Variants in SRRM3 observed in about 807,000 individuals in gnomAD.
The protein encoded by SRRM3 is serine/arginine repetitive matrix 3, also known as serine/arginine repetitive matrix protein 3.
A neutral mutation model predicts 66.2 loss-of-function variants in SRRM3; 27 were observed. The ratio of observed to expected loss-of-function variants is 0.41; its 90% CI spans 0.30 to 0.56. SRRM3 has a LOEUF of 0.56. SRRM3 is among the 20% of genes least tolerant of loss of function. SRRM3 has a pLI of 0.32. For synonymous variants in SRRM3, 391 were observed against 414.9 expected (o/e 0.94, Z 0.70); for missense variants, 918 against 991.9 (o/e 0.93, Z 1.00).
Position 76,286,139 on chromosome 7 carries a change from T to A in SRRM3, c.*296T>A. ...GGAATCTCCCCATCCCCCTTCCTGC[T>A]GATGCCAACTCACCAGGCTTGGGAC... On this transcript the variant is annotated 3_prime_UTR_variant, in exon 15 of 15. Coordinates refer to ENST00000611745, the MANE Select transcript of SRRM3 (RefSeq NM_001110199.3). The A allele has an allele frequency of 2.0e-6, 1 of 492,196 alleles. No individual in the cohort carries two copies. The highest frequency in any genetic ancestry group is 3.8e-6 in the Non-Finnish European group (1 of 265,490). 30.5% of individuals were successfully genotyped at this position (492,196 alleles called of 1,614,324 possible).
chr7:76,243,964 A>C (rs1255895810), intron 2 of SRRM3, among the ~76,000 whole-genome samples: 1 of 152,200 alleles, frequency 6.6e-6, no homozygotes, highest in Non-Finnish European at 1.5e-5. Context: ...TCACATGCCC[A>C]GACAAGGGAC....
chr7:76,220,153 G>A (rs962718098), intron 1 of SRRM3, among the ~76,000 whole-genome samples: 1 of 152,238 alleles, frequency 6.6e-6, no homozygotes, highest in African/African-American at 2.4e-5. Flanking sequence ...TCTGTGCCAA[G>A]CCCTGTGCTG....
chr7:76,254,269 CT>C (rs2117041548), intron 3 of SRRM3, among the ~76,000 whole-genome samples: 1 of 151,982 alleles, frequency 6.6e-6, no homozygotes, highest in South Asian at 2.1e-4. Context: ...GATACTCCCA[CT>C]TAAGCCTCCC....
In SRRM3 at chr7:76,249,244, G is replaced by C. The variant is rs542444399; in HGVS notation, c.335+955G>C. 7.9e-5 allele frequency among the ~76,000 whole-genome samples: 12 copies of C among 152,164 alleles called. 1 individual carries two copies. In the South Asian group the frequency reaches 8.3e-4, roughly 11 times the overall value. ...CTACAAAATACACAAAAATTAGCCA[G>C]GCATGGTGGCCTGGGCCTGTAATCC... On this transcript the variant is annotated intron_variant, in intron 3 of 14. Transcript: ENST00000611745.
At chr7:76,259,815 C>A in intron 3 of SRRM3, 91 bp from the exon 4 acceptor site, 14 of 1,573,286 alleles carry the variant, frequency 8.9e-6, no homozygotes, top group Non-Finnish European at 1.2e-5. Flanking sequence ...AGCCCGCAGA[C>A]TTGCGGGGCT....
intron 1 of SRRM3, among the ~76,000 whole-genome samples, chr7:76,221,301 C>T (rs546376851): frequency 3.2e-4 from 49 of 151,430 alleles, no homozygotes; most frequent in Admixed American, 9.9e-4. Flanking sequence ...GTGATCCACC[C>T]GCCTCAGCCT....
intron 1 of SRRM3, among the ~76,000 whole-genome samples, chr7:76,223,959 C>CT (rs532490849): frequency 3.4e-5 from 3 of 88,902 alleles, no homozygotes; most frequent in Non-Finnish European, 4.7e-5. Context: ...TCCCTTCCCT[C>CT]TTTTTTTTTT....
chr7:76,215,058 A>T (rs1800525331), intron 1 of SRRM3, among the ~76,000 whole-genome samples: 1 of 151,932 alleles, frequency 6.6e-6, no homozygotes, highest in South Asian at 2.1e-4. Flanking sequence ...AAAAAAAAAA[A>T]ACAGGAAAGA....
At chr7:76,239,962 G>A (rs1554605403) in intron 2 of SRRM3, among the ~76,000 whole-genome samples, 2 of 151,744 alleles carry the variant, frequency 1.3e-5, no homozygotes, top group Non-Finnish European at 2.9e-5. Flanking sequence ...TCAGGAGTTC[G>A]AGACCAGCCT....
At chr7:76,207,750 G>A (rs1275268436) in intron 1 of SRRM3, among the ~76,000 whole-genome samples, 2 of 152,140 alleles carry the variant, frequency 1.3e-5, no homozygotes, top group Non-Finnish European at 2.9e-5. Context: ...GGTGGTGCAC[G>A]CATGTAGCCC....
At chr7:76,218,674 C>CTTTT (rs11349335) in intron 1 of SRRM3, among the ~76,000 whole-genome samples, 5,198 of 76,454 alleles carry the variant, frequency 0.068, 6 homozygotes, top group Non-Finnish European at 0.072. Flanking sequence ...GCTTTCTTTT[C>CTTTT]TTTTTTTTTT....
chr7:76,225,044 C>T (rs1355732411), intron 1 of SRRM3, among the ~76,000 whole-genome samples: 1 of 152,172 alleles, frequency 6.6e-6, no homozygotes, highest in African/African-American at 2.4e-5. Flanking sequence ...ACCCTCAGGC[C>T]TTCCGAAAGG....
chr7:76,235,045 A>G lies in SRRM3; in HGVS notation c.-22A>G, dbSNP rs782051579. The G allele has an allele frequency of 6.5e-7, 1 of 1,541,128 alleles. No individual in the cohort carries two copies. Among genetic ancestry groups the G allele is most frequent in the South Asian group, 1.2e-5 (1 of 83,374 alleles). On this transcript the variant is annotated 5_prime_UTR_variant, in exon 2 of 15. Coordinates refer to ENST00000611745, the MANE Select transcript of SRRM3 (RefSeq NM_001110199.3). ...TCCCTCAGGGCCAGCGGCCCAGGCC[A>G]GCGGCTCCAGGGCCAGCCACGATGT...
chr7:76,206,341 A>T (rs1800301606), intron 1 of SRRM3, among the ~76,000 whole-genome samples: 1 of 152,062 alleles, frequency 6.6e-6, no homozygotes, highest in Non-Finnish European at 1.5e-5. Context: ...AGAGTGAGGG[A>T]GAGTGGGTTC....
intron 1 of SRRM3, among the ~76,000 whole-genome samples, chr7:76,217,550 C>T (rs1439206976): frequency 6.6e-6 from 1 of 152,082 alleles, no homozygotes; most frequent in Non-Finnish European, 1.5e-5. Context: ...CTCCCAATCA[C>T]GCTGGGATTA....
chr7:76,269,788 A>C (rs1802166599), intron 11 of SRRM3: 1 of 148,644 alleles, frequency 6.7e-6, no homozygotes, highest in Non-Finnish European at 1.5e-5. Context: ...ATGTACAGAA[A>C]TGCAAACTAT....
At chr7:76,281,833 C>T in intron 12 of SRRM3, 31 bp downstream of exon 12, 2 of 1,274,536 alleles carry the variant, frequency 1.6e-6, no homozygotes, top group Admixed American at 4.3e-5. Context: ...GCTGGACTCC[C>T]GCCCCCACCC....
chr7:76,235,373 A>C, intron 2 of SRRM3, 74 bp downstream of exon 2: 3 of 1,265,180 alleles, frequency 2.4e-6, no homozygotes, highest in Non-Finnish European at 3.2e-6. Context: ...GTGATGCTGC[A>C]CGTGGGCGTG....
At chr7:76,213,075 T>C (rs1800475475) in intron 1 of SRRM3, among the ~76,000 whole-genome samples, 1 of 142,922 alleles carries the variant, frequency 7.0e-6, no homozygotes, top group Non-Finnish European at 1.5e-5. Context: ...AATGGCGTGA[T>C]CTCAGCTCAC....
Sources: allele counts gnomAD v4.1 joint callset (sites outside exome capture counted in the v4.1 genomes callset), GRCh38; gene constraint gnomAD v4.1.1; transcripts MANE v1.5; gene names NCBI Gene and HGNC (gene_info 2026-07-23, HGNC 2026-07-21).